Variants in ESR1 observed in about 807,000 individuals in gnomAD.
ESR1 encodes the protein estrogen receptor.
Under a neutral mutation model 52.7 loss-of-function variants are expected in ESR1, and 12 were observed. The observed-to-expected ratio is 0.23, with a 90% CI of 0.15 to 0.37. ESR1 has a LOEUF of 0.37. ESR1 is among the 10% of genes least tolerant of loss of function. The pLI, the probability that ESR1 is intolerant of heterozygous loss-of-function variation, is 1.00. For missense variants in ESR1, 584 were observed against 779.7 expected, an observed-to-expected ratio of 0.75 and a Z score of 2.99; for synonymous variants, 305 against 316.8, an observed-to-expected ratio of 0.96 and a Z score of 0.39.
In ESR1 at chr6:151,824,225, A is replaced by T. The variant is rs1407648944; in HGVS notation, c.452+15861A>T. ...ATTTGCATTTCTCTGATGGCCAGTG[A>T]TGATGAGCATTTTTTCATGTGTCTG... is the stretch of plus-strand genomic sequence containing the variant. On this transcript the variant is annotated intron_variant, in intron 1 of 7. Transcript: ENST00000206249. Among the ~76,000 whole-genome samples the T allele has an allele frequency of 3.3e-5, 5 of 152,078 alleles. No individual in the cohort carries two copies. In the South Asian group the frequency reaches 6.2e-4, roughly 19 times the overall value.
At chr6:152,125,043 C>G (rs2052876240) in intron 6 of ESR1, among the ~76,000 whole-genome samples, 1 of 152,208 alleles carries the variant, frequency 6.6e-6, no homozygotes, top group Non-Finnish European at 1.5e-5. Flanking sequence ...CAAGCTCACA[C>G]AGCCAGTGGC....
In ESR1 at chr6:152,102,489, T is replaced by C. The variant is rs1052845082; in HGVS notation, c.*3523T>C. On this transcript the variant is annotated 3_prime_UTR_variant, in exon 8 of 8. Transcript: ENST00000206249. ...GCTCAAAAGGCAACCATAATTCTCTTTGGTGCAGGTCTTGGGAGCGTGATC... is the reference window on the plus strand; with the variant it reads ...GCTCAAAAGGCAACCATAATTCTCTCTGGTGCAGGTCTTGGGAGCGTGATC... The C allele has an allele frequency of 4.8e-6, 1 of 209,350 alleles. No individual in the cohort carries two copies. The highest frequency in any genetic ancestry group is 9.7e-6 in the Non-Finnish European group (1 of 102,918). The allele number at this position is 209,350 out of a possible 1,614,324, so 13.0% of individuals were successfully genotyped here.
At chr6:152,001,785 G>A (rs1562654252) in intron 4 of ESR1, among the ~76,000 whole-genome samples, 1 of 151,988 alleles carries the variant, frequency 6.6e-6, no homozygotes, top group Admixed American at 6.6e-5. Flanking sequence ...TTGGTTGGTT[G>A]CTCTCTCTCT....
At chr6:151,736,779 C>T (rs3020348) in intron 2 of ESR1, among the ~76,000 whole-genome samples, 7 of 151,902 alleles carry the variant, frequency 4.6e-5, no homozygotes, top group Non-Finnish European at 1.0e-4. Context: ...GATAGGAAAG[C>T]GGTACAGTGA....
intron 1 of ESR1, among the ~76,000 whole-genome samples, chr6:151,837,587 C>G (rs1179526946): frequency 1.3e-5 from 2 of 152,192 alleles, no homozygotes; most frequent in African/African-American, 4.8e-5. Context: ...CTTAGCTACA[C>G]TTGGTGCTTC....
At chr6:151,953,256 C>T (rs981260297) in intron 4 of ESR1, among the ~76,000 whole-genome samples, 2 of 150,336 alleles carry the variant, frequency 1.3e-5, no homozygotes, top group African/African-American at 4.8e-5. Flanking sequence ...TCTCTGTGCC[C>T]TAAGTACCAA....
At chr6:151,890,068 A>G (rs371240763) in intron 3 of ESR1, among the ~76,000 whole-genome samples, 8 of 151,748 alleles carry the variant, frequency 5.3e-5, no homozygotes, top group African/African-American at 1.9e-4. Context: ...GTCCTAACAT[A>G]TGAACTATAC....
chr6:151,926,258 A>G (rs2032718511), intron 3 of ESR1, among the ~76,000 whole-genome samples: 1 of 152,170 alleles, frequency 6.6e-6, no homozygotes, highest in Non-Finnish European at 1.5e-5. Flanking sequence ...AAGTCTTGAA[A>G]TGAAATAGTG....
intron 2 of ESR1, among the ~76,000 whole-genome samples, chr6:151,757,217 A>G (rs1218647972): frequency 7.1e-6 from 1 of 140,432 alleles, no homozygotes; most frequent in Non-Finnish European, 1.5e-5. Flanking sequence ...ACTGGTACTG[A>G]GGCTATTTTA....
downstream of ESR1, among the ~76,000 whole-genome samples, chr6:152,104,890 T>G (rs2051044057): frequency 6.6e-6 from 1 of 152,136 alleles, no homozygotes; most frequent in Non-Finnish European, 1.5e-5. Context: ...GAGAGGCTCT[T>G]GAGAGGCTCT....
chr6:151,822,210 A>G (rs1780671264), intron 1 of ESR1, among the ~76,000 whole-genome samples: 1 of 152,346 alleles, frequency 6.6e-6, no homozygotes, highest in Non-Finnish European at 1.5e-5. Flanking sequence ...AGGGATTAAT[A>G]TGTTCTTGAT....
At chr6:151,810,780 T>C (rs556013914) in intron 1 of ESR1, among the ~76,000 whole-genome samples, 3 of 152,364 alleles carry the variant, frequency 2.0e-5, no homozygotes, top group African/African-American at 7.2e-5. Flanking sequence ...TGATGTAAAA[T>C]GTATTTCTTA....
At chr6:151,717,685 A>G (rs919171737) in intron 2 of ESR1, among the ~76,000 whole-genome samples, 1 of 152,148 alleles carries the variant, frequency 6.6e-6, no homozygotes, top group African/African-American at 2.4e-5. Context: ...TGAATGAAAC[A>G]TTTTTGCTTC....
intron 3 of ESR1, among the ~76,000 whole-genome samples, chr6:151,919,722 T>G (rs755922755): frequency 9.2e-5 from 14 of 152,196 alleles, no homozygotes; most frequent in Non-Finnish European, 1.8e-4. Flanking sequence ...ACAGTGGGTG[T>G]TGTGAAAAGC....
intron 2 of ESR1, among the ~76,000 whole-genome samples, chr6:151,716,479 T>C (rs570748313): frequency 1.2e-3 from 177 of 152,286 alleles, no homozygotes; most frequent in African/African-American, 4.2e-3. Context: ...GGGAGTTTTA[T>C]CTATAAGCCC....
chr6:152,103,071 A>C lies in ESR1; in HGVS notation c.*4105A>C. The C allele has an allele frequency of 4.5e-6, 1 of 222,430 alleles. No individual in the cohort carries two copies. Among genetic ancestry groups the C allele is most frequent in the Non-Finnish European group, 9.0e-6 (1 of 111,018 alleles). 13.8% of individuals were successfully genotyped at this position (222,430 alleles called of 1,614,324 possible). A position where few individuals can be genotyped will look rare whatever the true frequency, so the allele number is the denominator to read the frequency against. ...TTTTATGGGAAAAGGCTCAAATGCC[A>C]AATTGTGTTTGATGGATTAATATGC... On this transcript the variant is annotated 3_prime_UTR_variant, in exon 8 of 8. Transcript: ENST00000206249.
intron 1 of ESR1, among the ~76,000 whole-genome samples, chr6:151,834,687 T>G (rs1408650323): frequency 1.3e-5 from 2 of 151,774 alleles, no homozygotes; most frequent in Non-Finnish European, 2.9e-5. Flanking sequence ...ATCCCAGAAC[T>G]TAAAGTATAA....
intron 3 of ESR1, among the ~76,000 whole-genome samples, chr6:151,924,374 A>T (rs2032302368): frequency 6.6e-6 from 1 of 151,940 alleles, no homozygotes; most frequent in Non-Finnish European, 1.5e-5. Flanking sequence ...TATTGAGGAT[A>T]TTTTCACATA....
At chr6:151,963,781 T>C (rs2037940022) in intron 4 of ESR1, among the ~76,000 whole-genome samples, 1 of 152,236 alleles carries the variant, frequency 6.6e-6, no homozygotes, top group Admixed American at 6.5e-5. Flanking sequence ...ATTTCTCCTA[T>C]GTTTTCTTCT....
Sources: gnomAD v4.1 joint callset for allele counts (sites outside exome capture counted in the v4.1 genomes callset) on GRCh38, gnomAD v4.1.1 for gene constraint, MANE v1.5 for transcripts, NCBI Gene and HGNC (gene_info 2026-07-23, HGNC 2026-07-21) for gene names.